The following PCDH7 variants were observed in gnomAD, a reference collection of about 807,000 sequenced individuals.
The protein encoded by PCDH7 is protocadherin-7.
Under a neutral mutation model 58.9 loss-of-function variants are expected in PCDH7, and 17 were observed. The observed-to-expected ratio is 0.29, with a 90% CI of 0.20 to 0.43. PCDH7 has a LOEUF of 0.43. Ranked by LOEUF, PCDH7 falls within the 20% of genes least tolerant of loss-of-function variation. PCDH7 has a pLI of 1.00. For synonymous variants in PCDH7, 664 were observed against 616.4 expected (o/e 1.08, Z -1.14); for missense variants, 1,274 against 1,441.0 (o/e 0.88, Z 1.88).
At chr4:30,989,299 TTC>T (rs1162592837) in intron 3 of PCDH7, among the ~76,000 whole-genome samples, 1 of 151,562 alleles carries the variant, frequency 6.6e-6, no homozygotes, top group African/African-American at 2.4e-5. Context: ...AAACAATTTT[TTC>T]TCTTTCTCTT....
downstream of PCDH7, chr4:31,143,228 C>A (rs1318041489): frequency 6.3e-6 from 1 of 158,758 alleles, no homozygotes; most frequent in African/African-American, 2.4e-5. Context: ...TATCCCTAAG[C>A]TGAAGCATGA....
intron 3 of PCDH7, among the ~76,000 whole-genome samples, chr4:31,099,481 G>A (rs1348514545): frequency 6.6e-6 from 1 of 152,118 alleles, no homozygotes; most frequent in Non-Finnish European, 1.5e-5. Context: ...TTCATGTTAG[G>A]GAAAGTGATG....
chr4:30,974,820 T>TG (rs150638103), intron 3 of PCDH7, among the ~76,000 whole-genome samples: 12,701 of 152,122 alleles, frequency 0.083, 710 homozygotes, highest in Non-Finnish European at 0.12. Context: ...GGGTGGGCGA[T>TG]GGGGGCAGGG....
intron 1 of PCDH7, among the ~76,000 whole-genome samples, chr4:30,835,443 T>C (rs1730369549): frequency 6.6e-6 from 1 of 152,148 alleles, no homozygotes; most frequent in Non-Finnish European, 1.5e-5. Context: ...CCTGATGATC[T>C]GAGGTAAAAG....
intron 3 of PCDH7, among the ~76,000 whole-genome samples, chr4:31,113,674 C>T (rs950915960): frequency 4.0e-5 from 6 of 151,888 alleles, no homozygotes; most frequent in Non-Finnish European, 7.4e-5. Context: ...TATACATTTT[C>T]AGAAATAGAA....
chr4:31,099,999 G>C (rs908204753), intron 3 of PCDH7, among the ~76,000 whole-genome samples: 2 of 148,354 alleles, frequency 1.3e-5, no homozygotes, highest in African/African-American at 4.9e-5. Flanking sequence ...GGAAGGGAGG[G>C]AGGGAGGGAA....
At chr4:30,963,016 G>A (rs1315043517) in intron 3 of PCDH7, among the ~76,000 whole-genome samples, 2 of 152,134 alleles carry the variant, frequency 1.3e-5, no homozygotes, top group African/African-American at 4.8e-5. Context: ...CAGAGGAAGT[G>A]TGGGAGGTAA....
At chr4:30,911,966 C>G (rs1385738015) in intron 1 of PCDH7, among the ~76,000 whole-genome samples, 2 of 151,964 alleles carry the variant, frequency 1.3e-5, no homozygotes, top group Non-Finnish European at 2.9e-5. Flanking sequence ...ATAATAAGCA[C>G]CTACACTCAT....
intron 2 of PCDH7, among the ~76,000 whole-genome samples, chr4:30,939,546 C>A (rs2109434446): frequency 6.6e-6 from 1 of 152,192 alleles, no homozygotes; most frequent in African/African-American, 2.4e-5. Context: ...TTATTTATAT[C>A]ATTGAACAGT....
At chr4:30,857,236 A>T (rs922999202) in intron 1 of PCDH7, among the ~76,000 whole-genome samples, 3 of 152,024 alleles carry the variant, frequency 2.0e-5, no homozygotes, top group East Asian at 1.9e-4. Context: ...TAGAAACCTA[A>T]TTTCTCTGTC....
chr4:30,944,514 C>G (rs563533037), intron 2 of PCDH7, among the ~76,000 whole-genome samples: 1 of 152,198 alleles, frequency 6.6e-6, no homozygotes, highest in African/African-American at 2.4e-5. Flanking sequence ...GAAAACCAAA[C>G]ACATAGGACC....
chr4:30,963,606 G>A (rs1748690123), intron 3 of PCDH7, among the ~76,000 whole-genome samples: 1 of 151,762 alleles, frequency 6.6e-6, no homozygotes, highest in Non-Finnish European at 1.5e-5. Flanking sequence ...TTATTACAAT[G>A]CAAATGGTGT....
At chr4:30,839,166 T>C (rs991878058) in intron 1 of PCDH7, among the ~76,000 whole-genome samples, 2 of 151,970 alleles carry the variant, frequency 1.3e-5, no homozygotes, top group African/African-American at 4.8e-5. Flanking sequence ...CTATGTATTA[T>C]GTAGTATACT....
intron 3 of PCDH7, among the ~76,000 whole-genome samples, chr4:30,996,781 G>A (rs1333878170): frequency 6.6e-6 from 1 of 152,178 alleles, no homozygotes; most frequent in East Asian, 1.9e-4. Context: ...GTGCTTAGGA[G>A]TCAGAATTTG....
At chr4:31,138,172 G>A (rs1367627359) in intron 3 of PCDH7, among the ~76,000 whole-genome samples, 1 of 152,062 alleles carries the variant, frequency 6.6e-6, no homozygotes, top group East Asian at 1.9e-4. Context: ...GTCACTTCTT[G>A]TTGAGGTCAT....
intron 3 of PCDH7, among the ~76,000 whole-genome samples, chr4:31,067,626 G>A (rs1578704767): frequency 6.6e-6 from 1 of 152,012 alleles, no homozygotes; most frequent in African/African-American, 2.4e-5. Flanking sequence ...CAAGGGACCA[G>A]GAAGAATATA....
chr4:31,120,605 G>A (rs1460557206), intron 3 of PCDH7, among the ~76,000 whole-genome samples: 3 of 151,856 alleles, frequency 2.0e-5, no homozygotes, highest in Non-Finnish European at 2.9e-5. Flanking sequence ...AACCACTTAA[G>A]TAAGTATATC....
chr4:30,770,116 AG>A (rs1020147359), intron 1 of PCDH7, among the ~76,000 whole-genome samples: 2 of 152,208 alleles, frequency 1.3e-5, no homozygotes, highest in Admixed American at 1.3e-4. Flanking sequence ...CAAAAATGAA[AG>A]GGCAGATGAC....
intron 1 of PCDH7, among the ~76,000 whole-genome samples, chr4:30,902,131 A>C (rs1251894885): frequency 6.6e-6 from 1 of 152,184 alleles, no homozygotes; most frequent in Non-Finnish European, 1.5e-5. Flanking sequence ...TTTAAGTACA[A>C]ACACTTTATC....
Sources: gnomAD v4.1 joint callset for allele counts (sites outside exome capture counted in the v4.1 genomes callset) on GRCh38, gnomAD v4.1.1 for gene constraint, MANE v1.5 for transcripts, NCBI Gene and HGNC (gene_info 2026-07-23, HGNC 2026-07-21) for gene names.